CELF2: variants seen among roughly 807,000 people sequenced by gnomAD.
CELF2 encodes the protein CUG triplet repeat RNA-binding protein 2.
Under a neutral mutation model 62.6 loss-of-function variants are expected in CELF2, and 8 were observed. The ratio of observed to expected loss-of-function variants is 0.13; its 90% confidence interval spans 0.07 to 0.23. The LOEUF is 0.23. Ranked by LOEUF, CELF2 falls within the 10% of genes least tolerant of loss-of-function variation. The pLI, the probability that CELF2 is intolerant of heterozygous loss-of-function variation, is 1.00. For missense variants in CELF2, 333 were observed against 671.0 expected (o/e 0.50, Z 5.56); for synonymous variants, 258 against 250.0 (o/e 1.03, Z -0.30).
the CELF2 span, among the ~76,000 whole-genome samples, chr10:10,666,669 T>C: frequency 6.3e-5 from 5 of 79,520 alleles, no homozygotes; most frequent in Non-Finnish European, 1.2e-4. Flanking sequence ...GAGACCATTC[T>C]GGCTAACACG....
intron 2 of CELF2, among the ~76,000 whole-genome samples, chr10:11,170,866 C>T (rs192825937): frequency 8.5e-5 from 13 of 152,130 alleles, no homozygotes; most frequent in East Asian, 7.7e-4. Context: ...TCTGAGAAAG[C>T]GTGTTCTATA....
the CELF2 span, among the ~76,000 whole-genome samples, chr10:10,529,836 C>A: frequency 6.6e-6 from 1 of 152,110 alleles, no homozygotes; most frequent in African/African-American, 2.4e-5. Flanking sequence ...ATGTTCTACC[C>A]CAGAATCCAC....
chr10:10,845,542 A>G (rs1049664775), intron 1 of CELF2, among the ~76,000 whole-genome samples: 3 of 152,182 alleles, frequency 2.0e-5, no homozygotes, highest in African/African-American at 7.2e-5. Flanking sequence ...CAAGAAAAAG[A>G]CAGTATCTGT....
At position 11,329,160 on chromosome 10, in the gene CELF2, T is replaced by C; in HGVS notation, c.*107T>C. ...CAGAGGAGGACCACATTGCCAACTT[T>C]TACCAAGAGAGACGGTTATTTTTAC... On this transcript the variant is annotated 3_prime_UTR_variant, in exon 13 of 13. Transcript: ENST00000633077. This position sits in a 1 kb window ranked among gnomAD's most constrained non-coding sequence, Gnocchi z 5.5. The C allele has an allele frequency of 8.3e-7, 1 of 1,206,708 alleles. No homozygotes were observed. Among genetic ancestry groups the C allele is most frequent in the Non-Finnish European group, 1.1e-6 (1 of 880,920 alleles). The allele number at this position is 1,206,708 out of a possible 1,614,324, so 74.8% of individuals were successfully genotyped here.
chr10:10,913,625 G>A (rs567755691), intron 1 of CELF2, among the ~76,000 whole-genome samples: 403 of 150,544 alleles, frequency 2.7e-3, no homozygotes, highest in African/African-American at 7.7e-3. Flanking sequence ...TCCTGAACTC[G>A]GGTGATCCAC....
the CELF2 span, among the ~76,000 whole-genome samples, chr10:10,607,153 ATAC>A: frequency 3.9e-5 from 6 of 152,192 alleles, no homozygotes; most frequent in Non-Finnish European, 8.8e-5. Flanking sequence ...AACCTCAGTA[ATAC>A]TCCTAACACT....
chr10:10,855,314 A>T (rs575063445), intron 1 of CELF2, among the ~76,000 whole-genome samples: 50 of 152,274 alleles, frequency 3.3e-4, no homozygotes, highest in Admixed American at 2.3e-3. Flanking sequence ...GTAAAAGAGG[A>T]TGTGGTACCA....
At chr10:11,071,242 A>G (rs1174637919) in intron 1 of CELF2, among the ~76,000 whole-genome samples, 4 of 152,224 alleles carry the variant, frequency 2.6e-5, no homozygotes. Context: ...GCCTCCAGCT[A>G]GGACATGCGC....
At chr10:10,796,406 TACTG>T (rs2054142438), upstream of CELF2, among the ~76,000 whole-genome samples, 1 of 152,256 alleles carries the variant, frequency 6.6e-6, no homozygotes, top group Admixed American at 6.5e-5. Flanking sequence ...AGGAACATTC[TACTG>T]ACTACCTTTA....
chr10:11,115,326 A>G (rs1185612243), intron 1 of CELF2, among the ~76,000 whole-genome samples: 1 of 152,236 alleles, frequency 6.6e-6, no homozygotes, highest in African/African-American at 2.4e-5. Context: ...CAGCAGCTGC[A>G]AAGAACCTGA....
intron 2 of CELF2, among the ~76,000 whole-genome samples, chr10:10,925,444 G>A (rs758951563): frequency 6.6e-5 from 10 of 151,934 alleles, no homozygotes; most frequent in Admixed American, 1.3e-4. Context: ...CACTTAGTGC[G>A]TGCTGTACCT....
At chr10:10,627,261 G>A in the CELF2 span, among the ~76,000 whole-genome samples, 1 of 152,146 alleles carries the variant, frequency 6.6e-6, no homozygotes, top group East Asian at 1.9e-4. Context: ...CCTTCAAGAG[G>A]GAAGGGGTAA....
chr10:11,150,638 T>G (rs1323531881), intron 1 of CELF2, among the ~76,000 whole-genome samples: 1 of 152,242 alleles, frequency 6.6e-6, no homozygotes, highest in East Asian at 1.9e-4. Context: ...AACCTCCCCA[T>G]GTCAACCAGC....
At chr10:10,551,651 C>G in the CELF2 span, among the ~76,000 whole-genome samples, 33 of 152,316 alleles carry the variant, frequency 2.2e-4, no homozygotes, top group African/African-American at 7.0e-4. Context: ...CAGCCCCACT[C>G]TGCGCATGCC....
rs1564984230 is a variant in CELF2, at chr10:11,157,217, C to T, written c.75-8269C>T. Among the ~76,000 whole-genome samples, 1 of 152,152 alleles carries T rather than the reference C, an allele frequency of 6.6e-6. No individual in the cohort carries two copies. Among genetic ancestry groups the T allele is most frequent in the Non-Finnish European group, 1.5e-5 (1 of 68,036 alleles). On this transcript the variant is annotated intron_variant, in intron 1 of 12. Transcript: ENST00000633077. This position sits in a 1 kb window ranked among gnomAD's most constrained non-coding sequence, Gnocchi z 4.9. ...TTTGCTGGTACTTCCGTGCCTCTCA[C>T]ACATGCATGGTTGTAGAGGAGCTGT...
the CELF2 span, among the ~76,000 whole-genome samples, chr10:10,613,373 T>A: frequency 6.6e-6 from 1 of 152,210 alleles, no homozygotes; most frequent in Non-Finnish European, 1.5e-5. Flanking sequence ...CATACTGGAT[T>A]TAATTTTATT....
rs775938387 is a variant in CELF2, at chr10:10,931,590, C to G, written c.89+11591C>G. Among the ~76,000 whole-genome samples, 4 of 152,156 alleles carry G rather than the reference C, an allele frequency of 2.6e-5. No homozygotes were observed. Among genetic ancestry groups the G allele is most frequent in the Non-Finnish European group, 4.4e-5 (3 of 68,034 alleles). On this transcript the variant is annotated intron_variant, in intron 2 of 13. Coordinates refer to the CELF2 transcript ENST00000636488. The surrounding 1 kb of genome is among the most constrained non-coding windows in gnomAD (Gnocchi z 6.1). ...CCTAATTCATCATTGGGCACCACGG[C>G]ACCCCTTCCAAAGTAAAGAAAATTT...
Position 11,330,321 on chromosome 10 carries a change from A to G in CELF2, c.*1268A>G, listed in dbSNP as rs1200485936. Reference sequence around the variant, plus strand: ...GTGGATAAGGAGTGTAAGAAATGCAAATTATGTGAATGGCTCGGAGACTCC... The same window carrying G: ...GTGGATAAGGAGTGTAAGAAATGCAGATTATGTGAATGGCTCGGAGACTCC... On this transcript the variant is annotated 3_prime_UTR_variant, in exon 13 of 13. Coordinates refer to ENST00000633077, the MANE Select transcript of CELF2 (RefSeq NM_001326342.2). This position sits in a 1 kb window ranked among gnomAD's most constrained non-coding sequence, Gnocchi z 4.5. The G allele has an allele frequency of 6.6e-6, 1 of 152,506 alleles. No individual in the cohort carries two copies. The highest frequency in any genetic ancestry group is 2.4e-5 in the African/African-American group (1 of 41,404). 9.4% of individuals were successfully genotyped at this position (152,506 alleles called of 1,614,324 possible).
At chr10:11,208,891 G>T (rs2061094903) in intron 2 of CELF2, among the ~76,000 whole-genome samples, 1 of 152,172 alleles carries the variant, frequency 6.6e-6, no homozygotes, top group Non-Finnish European at 1.5e-5. Context: ...CCCAACGTTT[G>T]CTACTTGTAA....
Sources: allele counts gnomAD v4.1 joint callset (sites outside exome capture counted in the v4.1 genomes callset), GRCh38; gene constraint gnomAD v4.1.1; non-coding constraint Gnocchi (gnomAD v3.1); transcripts MANE v1.5; gene names NCBI Gene and HGNC (gene_info 2026-07-23, HGNC 2026-07-21).